ATP1A4: variants seen among roughly 807,000 people sequenced by gnomAD.
ATP1A4 encodes sodium/potassium-transporting ATPase subunit alpha-4.
In ATP1A4, 90 loss-of-function variants were observed where a neutral mutation model predicts 114.3. That is an observed-to-expected ratio of 0.79 (90% confidence interval 0.66 to 0.94). ATP1A4 has a LOEUF of 0.94. Ranked by LOEUF, ATP1A4 falls within the 40% of genes least tolerant of loss-of-function variation. The probability of loss-of-function intolerance (pLI) is 0.00; values close to 1 mark genes in which losing one functional copy is unlikely to be tolerated. For synonymous variants in ATP1A4, 511 were observed against 494.1 expected (o/e 1.03, Z -0.45); for missense variants, 1,222 against 1,313.6 (o/e 0.93, Z 1.08).
In ATP1A4 at chr1:160,174,579, G is replaced by A. The variant is rs1557805177; in HGVS notation, c.2143G>A (p.Gly715Arg). The change falls in exon 15 of 22, where the codon GGA becomes AGA. Residue 715 changes from glycine (G) to arginine (R), a missense_variant and splice_region_variant. Gly to Arg is a moderately radical substitution (Grantham distance 125). Coordinates refer to ENST00000368081, the MANE Select transcript of ATP1A4 (RefSeq NM_144699.4). ...LIIVEGCQRL[G>R]AVVAVTGDGV... is the part of the protein sequence containing the mutation. Reference sequence around the variant, plus strand: ...ACTCTCTCTGTCTGGACTTCCTCAGGGAGCCGTTGTGGCCGTGACAGGTGA... The same window carrying A: ...ACTCTCTCTGTCTGGACTTCCTCAGAGAGCCGTTGTGGCCGTGACAGGTGA... 1 of 1,612,964 alleles carries A rather than the reference G, an allele frequency of 6.2e-7. No individual in the cohort carries two copies. The highest frequency in any genetic ancestry group is 8.5e-7 in the Non-Finnish European group (1 of 1,179,034).
chr1:160,186,442 C>T, intron 21 of ATP1A4, 75 bp downstream of exon 21: 1 of 1,231,236 alleles, frequency 8.1e-7, no homozygotes, highest in Non-Finnish European at 1.2e-6. Flanking sequence ...CCACCTAGTC[C>T]CTCCAGACCC....
In ATP1A4 at chr1:160,173,630, A is replaced by C. The variant is rs753890390; in HGVS notation, c.1904A>C (p.Lys635Thr). ...CCCATTACAGCTAAGGCCATTGCCA[A>C]GGGTGTGGGCATCATCTCAGAAGGC... The part of the protein sequence containing the change: ...DHPITAKAIA[K>T]GVGIISEGTE... Residue 635 changes from lysine to threonine, a missense_variant, in exon 13 of 22, where the codon AAG (lysine) becomes ACG (threonine). Physicochemically the swap from Lys to Thr is moderately conservative, Grantham distance 78 (BLOSUM62 -1). Transcript: ENST00000368081. 16 of 1,614,090 alleles carry C rather than the reference A, an allele frequency of 9.9e-6. No individual in the cohort carries two copies. Among genetic ancestry groups the C allele is most frequent in the Admixed American group, 3.3e-5 (2 of 60,012 alleles).
chr1:160,152,123 A>G lies in ATP1A4; in HGVS notation c.83A>G (p.Lys28Arg), dbSNP rs1443762045. The G allele has an allele frequency of 6.2e-7, 1 of 1,614,132 alleles. No homozygotes were observed. The highest frequency in any genetic ancestry group is 2.2e-5 in the East Asian group (1 of 44,878). ...AGACCTAAAAAAGGGCTTATCAAGA[A>G]AAAAATGGTGAAGAGGGAAAAACAG... ...RRRPKKGLIK[K>R]KMVKREKQKR... Residue 28 changes from lysine (K) to arginine (R), a missense_variant, in exon 1 of 22, where the codon AAA becomes AGA. Physicochemically the swap from Lys to Arg is conservative, Grantham distance 26. Transcript: ENST00000368081.
intron 16 of ATP1A4, 58 bp downstream of exon 16, chr1:160,176,304 C>CT (rs1653462037): frequency 6.2e-7 from 1 of 1,606,742 alleles, no homozygotes; most frequent in African/African-American, 1.3e-5. Flanking sequence ...AAGCTCCCTG[C>CT]TTTCTGCCTG....
At chr1:160,175,796 G>T (rs2180750) in intron 15 of ATP1A4, among the ~76,000 whole-genome samples, 35,343 of 151,960 alleles carry the variant, frequency 0.23, 5,343 homozygotes, top group East Asian at 0.6. Flanking sequence ...TCTTGTAAAG[G>T]CTTTTATACT....
chr1:160,154,883 T>C (rs760869188), intron 2 of ATP1A4, among the ~76,000 whole-genome samples, 162 bp from the exon 3 acceptor site: 2 of 152,146 alleles, frequency 1.3e-5, no homozygotes, highest in Non-Finnish European at 2.9e-5. Flanking sequence ...CTAATGCAAA[T>C]TTTGAAACCT....
At chr1:160,174,936 C>A (rs1188933700) in intron 15 of ATP1A4, among the ~76,000 whole-genome samples, 189 bp downstream of exon 15, 1 of 152,150 alleles carries the variant, frequency 6.6e-6, no homozygotes, top group African/African-American at 2.4e-5. Flanking sequence ...TATCTGCAAC[C>A]CCTTTTGATG....
At position 160,166,627 on chromosome 1, in the gene ATP1A4, T is replaced by A; in HGVS notation, c.1147T>A (p.Ser383Thr). ...GCTGGGCTCCACGTCCACCATCTGC[T>A]CAGACAAGACGGGCACCCTCACCCA... The part of the protein sequence containing the change: ...ETLGSTSTIC[S>T]DKTGTLTQNR... Residue 383 changes from serine (S) to threonine (T), a missense_variant, in exon 8 of 22, where the codon TCA becomes ACA. Ser to Thr is a moderately conservative substitution (Grantham distance 58). Transcript: ENST00000368081. 1 of 1,614,198 alleles carries A rather than the reference T, an allele frequency of 6.2e-7. No individual in the cohort carries two copies. Among genetic ancestry groups the A allele is most frequent in the African/African-American group, 1.3e-5 (1 of 75,048 alleles).
chr1:160,175,174 T>G (rs1016156290), intron 15 of ATP1A4, among the ~76,000 whole-genome samples: 28 of 152,104 alleles, frequency 1.8e-4, no homozygotes, highest in African/African-American at 6.5e-4. Flanking sequence ...CAGCTGGAGC[T>G]TGACCCGTGA....
chr1:160,174,125 T>C lies in ATP1A4; in HGVS notation c.2006T>C (p.Ile669Thr), dbSNP rs149760298. 11 of 1,613,874 alleles carry C rather than the reference T, an allele frequency of 6.8e-6. No homozygotes were observed. Among genetic ancestry groups the C allele is most frequent in the East Asian group, 2.2e-5 (1 of 44,880 alleles). The change falls in exon 14 of 22, where the codon ATT becomes ACT. Residue 669 changes from isoleucine to threonine, a missense_variant. Transcript: ENST00000368081. ...TTTTCCCTCAGTGCTGCCAAAGCCA[T>C]TGTGGTGCATGGTGCAGAACTGAAG... ...SKVDASAAKA[I>T]VVHGAELKDI...
At chr1:160,152,240 A>G (rs1652484138) in intron 1 of ATP1A4, 53 bp downstream of exon 1, 8 of 1,576,914 alleles carry the variant, frequency 5.1e-6, no homozygotes, top group African/African-American at 1.4e-5. Flanking sequence ...ACACTCCTCC[A>G]CCTATCTTTA....
chr1:160,177,807 C>G (rs1270610207), intron 18 of ATP1A4, 143 bp downstream of exon 18: 5 of 868,276 alleles, frequency 5.8e-6, no homozygotes, highest in Admixed American at 5.5e-5. Flanking sequence ...CCTGTATGAG[C>G]CTTCTCACAC....
chr1:160,179,625 C>A (rs922510351), intron 18 of ATP1A4, among the ~76,000 whole-genome samples: 2 of 152,204 alleles, frequency 1.3e-5, no homozygotes, highest in South Asian at 4.1e-4. Context: ...TCCTTACTTT[C>A]TAAATATCTT....
At chr1:160,166,061 G>C (rs749170880) in intron 7 of ATP1A4, among the ~76,000 whole-genome samples, 6 of 152,152 alleles carry the variant, frequency 3.9e-5, no homozygotes, top group Non-Finnish European at 8.8e-5. Flanking sequence ...CTTGAGCCCA[G>C]GAGTTCAAGA....
At chr1:160,159,667 TGGTGAAA>T in intron 6 of ATP1A4, 141 bp downstream of exon 6, 5 of 673,428 alleles carry the variant, frequency 7.4e-6, no homozygotes, top group Non-Finnish European at 1.3e-5. Flanking sequence ...GTATGACCTC[TGGTGAAA>T]GGTCAAGGTC....
chr1:160,156,482 G>A (rs1308165486), intron 4 of ATP1A4, among the ~76,000 whole-genome samples: 3 of 151,782 alleles, frequency 2.0e-5, no homozygotes, highest in African/African-American at 4.8e-5. Context: ...GGGTGCGGTG[G>A]GGGGTGGCTG....
chr1:160,159,106 C>T lies in ATP1A4; in HGVS notation c.630C>T (p.Asp210=). The change falls in exon 5 of 22, where the codon GAC becomes GAT. Residue 210 remains aspartate, a synonymous_variant. Transcript: ENST00000368081. ...AGGGTGGAGACCGAGTCCCTGCTGA[C>T]CTCCGGCTTATCTCTGCACAAGGAT... The part of the protein sequence containing the change: ...EIKGGDRVPA[D]LRLISAQGCK... 6.2e-7 allele frequency: 1 copy of T among 1,614,124 alleles called. No individual in the cohort carries two copies. The highest frequency in any genetic ancestry group is 8.5e-7 in the Non-Finnish European group (1 of 1,179,992).
rs907092687 is a variant in ATP1A4, at chr1:160,176,415, G to A, written c.2467-64G>A. 22 of 1,610,474 alleles carry A rather than the reference G, an allele frequency of 1.4e-5. No individual in the cohort carries two copies. The African/African-American group carries it at 2.1e-4, about 16-fold the overall frequency. ...GCGTCAAGACAGAATGGTAGAGCTT[G>A]AATTACTGCTGGGTTTCCTTCTGAA... On this transcript the variant is annotated intron_variant, in intron 16 of 21. Coordinates refer to ENST00000368081, the MANE Select transcript of ATP1A4 (RefSeq NM_144699.4).
At chr1:160,180,250 G>A (rs917578078) in intron 18 of ATP1A4, among the ~76,000 whole-genome samples, 4 of 152,150 alleles carry the variant, frequency 2.6e-5, no homozygotes, top group East Asian at 1.9e-4. Context: ...GTGTTCTACC[G>A]TTTAAGGCTC....
Sources: allele counts gnomAD v4.1 joint callset (sites outside exome capture counted in the v4.1 genomes callset), GRCh38; gene constraint gnomAD v4.1.1; transcripts MANE v1.5; gene names NCBI Gene and HGNC (gene_info 2026-07-23, HGNC 2026-07-21).